The following KIAA0825 variants were observed in gnomAD, a reference collection of about 807,000 sequenced individuals.
KIAA0825 encodes the protein KIAA0825, also known as uncharacterized protein KIAA0825.
A neutral mutation model predicts 147.6 loss-of-function variants in KIAA0825; 119 were observed. The observed-to-expected ratio is 0.81, with a 90% confidence interval of 0.69 to 0.94. The LOEUF is 0.94. Ranked by LOEUF, KIAA0825 falls within the 40% of genes least tolerant of loss-of-function variation. The probability of loss-of-function intolerance (pLI) is 0.00; values close to 1 mark genes in which losing one functional copy is unlikely to be tolerated. For synonymous variants in KIAA0825, 470 were observed against 518.1 expected (o/e 0.91, Z 1.26); for missense variants, 1,381 against 1,472.7 (o/e 0.94, Z 1.02).
intron 20 of KIAA0825, among the ~76,000 whole-genome samples, chr5:94,216,901 A>C (rs141347843): frequency 1.0e-3 from 153 of 152,322 alleles, no homozygotes; most frequent in Non-Finnish European, 1.9e-3. Context: ...AATTTCCATG[A>C]ATCTATGTTA....
intron 20 of KIAA0825, among the ~76,000 whole-genome samples, chr5:94,277,251 G>A (rs540465298): frequency 6.6e-6 from 1 of 152,188 alleles, no homozygotes; most frequent in African/African-American, 2.4e-5. Flanking sequence ...AGGTAAGTAA[G>A]ACAAATGGGA....
intron 2 of KIAA0825, among the ~76,000 whole-genome samples, chr5:94,556,075 C>CA (rs147658522): frequency 0.063 from 9,390 of 148,424 alleles, 403 homozygotes; most frequent in South Asian, 0.2. Context: ...TTTTTTGAGA[C>CA]AGAGTCTCAC....
At chr5:94,182,759 CT>C (rs775821364) in intron 20 of KIAA0825, among the ~76,000 whole-genome samples, 4 of 152,096 alleles carry the variant, frequency 2.6e-5, no homozygotes, top group Non-Finnish European at 5.9e-5. Flanking sequence ...TTTTAAACTT[CT>C]GTGTCCCCCT....
chr5:94,610,764 CAAAAAAAAAAA>C (rs756579848), intron 1 of KIAA0825, among the ~76,000 whole-genome samples: 2 of 20,844 alleles, frequency 9.6e-5, no homozygotes, highest in African/African-American at 4.1e-4. Flanking sequence ...ACTCTATCTG[CAAAAAAAAAAA>C]AAAAAAAAAA....
At chr5:94,436,475 T>C (rs576932111) in intron 14 of KIAA0825, among the ~76,000 whole-genome samples, 1 of 152,258 alleles carries the variant, frequency 6.6e-6, no homozygotes, top group East Asian at 1.9e-4. Flanking sequence ...GTTCCATTGG[T>C]TTGCGTGTCT....
intron 20 of KIAA0825, among the ~76,000 whole-genome samples, chr5:94,234,073 T>C (rs1361628583): frequency 1.3e-5 from 2 of 152,130 alleles, no homozygotes; most frequent in East Asian, 3.9e-4. Context: ...TATCATAATA[T>C]GTATTAAAGT....
intron 20 of KIAA0825, among the ~76,000 whole-genome samples, chr5:94,380,527 C>T (rs530902892): frequency 1.3e-5 from 2 of 152,292 alleles, no homozygotes; most frequent in East Asian, 1.9e-4. Flanking sequence ...TACATTCTAC[C>T]ACAGAGGGTA....
At chr5:94,608,482 T>TAATATATAATATATATTATATA (rs1280989287) in intron 1 of KIAA0825, among the ~76,000 whole-genome samples, 3 of 36,648 alleles carry the variant, frequency 8.2e-5, no homozygotes, top group African/African-American at 3.3e-4. Flanking sequence ...ATAATATATA[T>TAATATATAATATATATTATATA]ATATATATAA....
intron 6 of KIAA0825, among the ~76,000 whole-genome samples, chr5:94,479,909 T>G (rs945478095): frequency 3.9e-5 from 6 of 152,152 alleles, no homozygotes; most frequent in Admixed American, 2.6e-4. Flanking sequence ...TGTTCAGATC[T>G]TTTATGAATT....
intron 20 of KIAA0825, among the ~76,000 whole-genome samples, chr5:94,357,125 A>G (rs1485723454): frequency 6.6e-6 from 1 of 152,240 alleles, no homozygotes; most frequent in East Asian, 1.9e-4. Flanking sequence ...AACTTGAAGT[A>G]GAGAATTTCT....
At chr5:94,488,919 A>G (rs907142018) in intron 5 of KIAA0825, among the ~76,000 whole-genome samples, 1 of 152,218 alleles carries the variant, frequency 6.6e-6, no homozygotes, top group Non-Finnish European at 1.5e-5. Context: ...TCGAGCAATG[A>G]ACACCAGTTT....
chr5:94,263,134 C>G (rs569680640), intron 20 of KIAA0825, among the ~76,000 whole-genome samples: 5 of 152,062 alleles, frequency 3.3e-5, no homozygotes, highest in Admixed American at 2.6e-4. Context: ...CTTCAGAAGT[C>G]TTGAAAGAAA....
intron 20 of KIAA0825, among the ~76,000 whole-genome samples, chr5:94,300,934 G>A (rs1235269296): frequency 6.6e-6 from 1 of 152,118 alleles, no homozygotes; most frequent in Non-Finnish European, 1.5e-5. Context: ...TTGCTGACAC[G>A]GAGTGAGCTG....
At chr5:94,490,807 A>T (rs1763648043) in intron 5 of KIAA0825, among the ~76,000 whole-genome samples, 1 of 152,202 alleles carries the variant, frequency 6.6e-6, no homozygotes, top group Non-Finnish European at 1.5e-5. Context: ...AATGTTAGTT[A>T]TACGTAGTTC....
chr5:94,279,361 T>A (rs540220769), intron 20 of KIAA0825, among the ~76,000 whole-genome samples: 1 of 152,204 alleles, frequency 6.6e-6, no homozygotes, highest in Non-Finnish European at 1.5e-5. Context: ...TTACTACAGA[T>A]CCGGTGCTAG....
chr5:94,270,373 G>A (rs1441830721), intron 20 of KIAA0825, among the ~76,000 whole-genome samples: 1 of 152,000 alleles, frequency 6.6e-6, no homozygotes, highest in Non-Finnish European at 1.5e-5. Context: ...AATGTTACTG[G>A]GAAAACTGGA....
chr5:94,419,226 G>T (rs185383701), intron 14 of KIAA0825, among the ~76,000 whole-genome samples: 1 of 152,206 alleles, frequency 6.6e-6, no homozygotes, highest in Admixed American at 6.5e-5. Flanking sequence ...GTTACTTGCA[G>T]TCTAAACGGT....
intron 1 of KIAA0825, among the ~76,000 whole-genome samples, chr5:94,595,465 A>G (rs1379769467): frequency 2.0e-5 from 3 of 152,196 alleles, no homozygotes; most frequent in African/African-American, 7.2e-5. Context: ...TGCACACAGC[A>G]GCAAAGCCAT....
intron 3 of KIAA0825, among the ~76,000 whole-genome samples, chr5:94,529,121 T>C (rs1216369479): frequency 2.0e-5 from 3 of 150,570 alleles, no homozygotes; most frequent in Non-Finnish European, 3.0e-5. Flanking sequence ...ATACTGAGGG[T>C]TTTAATAATA....
Sources: gnomAD v4.1 joint callset for allele counts (sites outside exome capture counted in the v4.1 genomes callset) on GRCh38, gnomAD v4.1.1 for gene constraint, MANE v1.5 for transcripts, NCBI Gene and HGNC (gene_info 2026-07-23, HGNC 2026-07-21) for gene names.